Variants in GPR158 observed in about 807,000 individuals in gnomAD.
GPR158 encodes G protein-coupled receptor 158, also known as metabotropic glycine receptor.
GPR158 carries 30 observed loss-of-function variants against 78.2 expected under a neutral mutation model. The observed-to-expected ratio is 0.38, with a 90% confidence interval of 0.29 to 0.52. GPR158 has a LOEUF of 0.52. GPR158 is among the 20% of genes least tolerant of loss of function. The probability of loss-of-function intolerance (pLI) is 0.83; values close to 1 mark genes in which losing one functional copy is unlikely to be tolerated. For synonymous variants in GPR158, 581 were observed against 591.1 expected (o/e 0.98, Z 0.25); for missense variants, 1,463 against 1,523.5 (o/e 0.96, Z 0.66).
intron 2 of GPR158, among the ~76,000 whole-genome samples, chr10:25,320,121 C>T (rs1450200959): frequency 6.6e-6 from 1 of 152,202 alleles, no homozygotes; most frequent in Admixed American, 6.5e-5. Flanking sequence ...TGGTACAGCA[C>T]ATCTGCCTTT....
chr10:25,513,948 GT>G (rs1836124716), intron 5 of GPR158, among the ~76,000 whole-genome samples: 1 of 152,054 alleles, frequency 6.6e-6, no homozygotes, highest in African/African-American at 2.4e-5. Flanking sequence ...CATATGGTCT[GT>G]CTTGGAGAAT....
intron 8 of GPR158, among the ~76,000 whole-genome samples, chr10:25,590,359 A>C (rs1475488278): frequency 6.6e-6 from 1 of 152,140 alleles, no homozygotes; most frequent in African/African-American, 2.4e-5. Context: ...GAAAGACATT[A>C]GAAGAGGAAG....
chr10:25,565,142 T>A (rs542835965), intron 6 of GPR158, among the ~76,000 whole-genome samples: 1 of 152,306 alleles, frequency 6.6e-6, no homozygotes, highest in South Asian at 2.1e-4. Context: ...ACCATAAAAC[T>A]TTTTCTTGTT....
chr10:25,516,429 A>G (rs1836175263), intron 5 of GPR158, among the ~76,000 whole-genome samples: 1 of 151,752 alleles, frequency 6.6e-6, no homozygotes, highest in Admixed American at 6.6e-5. Context: ...GGTGTTTTGG[A>G]CGTGAAGTCC....
chr10:25,400,216 A>G (rs1043951834), intron 3 of GPR158, among the ~76,000 whole-genome samples: 1 of 152,202 alleles, frequency 6.6e-6, no homozygotes, highest in Non-Finnish European at 1.5e-5. Context: ...GTTGCCTAAT[A>G]GGGAGAAACA....
intron 4 of GPR158, among the ~76,000 whole-genome samples, chr10:25,445,555 G>A (rs904999982): frequency 6.6e-6 from 1 of 152,166 alleles, no homozygotes; most frequent in African/African-American, 2.4e-5. Context: ...GAATGTGGAA[G>A]GTAGCCTAGA....
chr10:25,178,378 C>T (rs1467534621), intron 1 of GPR158, among the ~76,000 whole-genome samples: 1 of 152,056 alleles, frequency 6.6e-6, no homozygotes, highest in Non-Finnish European at 1.5e-5. Flanking sequence ...TTTTCAAGGG[C>T]CGCTGTGGAA....
chr10:25,288,274 C>T (rs550850265), intron 2 of GPR158, among the ~76,000 whole-genome samples: 4 of 152,234 alleles, frequency 2.6e-5, no homozygotes, highest in African/African-American at 9.6e-5. Flanking sequence ...TTATCACTTC[C>T]CAAATAAAAG....
In GPR158 at chr10:25,175,993, C is replaced by T; in HGVS notation, c.573C>T (p.Phe191=). 1 of 1,613,254 alleles carries T rather than the reference C, an allele frequency of 6.2e-7. No homozygotes were observed. Among genetic ancestry groups the T allele is most frequent in the South Asian group, 1.1e-5 (1 of 91,052 alleles). ...DSLSAPAPQV[F]LQATREESRI... ...TGTCCGCACCGGCCCCACAGGTCTT[C>T]CTCCAGGCCACGCGCGAGGAGAGCC... The change falls in exon 1 of 11, where the codon TTC becomes TTT. Residue 191 remains phenylalanine (F), a synonymous_variant. Coordinates refer to ENST00000376351, the MANE Select transcript of GPR158 (RefSeq NM_020752.3). This position sits in a 1 kb window ranked among gnomAD's most constrained non-coding sequence, Gnocchi z 6.4.
At chr10:25,422,346 T>C (rs1834762437) in intron 4 of GPR158, among the ~76,000 whole-genome samples, 2 of 152,174 alleles carry the variant, frequency 1.3e-5, no homozygotes, top group African/African-American at 4.8e-5. Context: ...TTAGCCTTGG[T>C]ATTAGATTCT....
intron 4 of GPR158, among the ~76,000 whole-genome samples, chr10:25,431,628 G>A: frequency 6.9e-6 from 1 of 144,118 alleles, no homozygotes; most frequent in East Asian, 2.0e-4. Flanking sequence ...AATAATGATA[G>A]ACTGGATTAA....
chr10:25,557,978 G>C lies in GPR158; in HGVS notation c.1514+6893G>C, dbSNP rs113870988. Among the ~76,000 whole-genome samples, 883 of 152,298 alleles carry C rather than the reference G, an allele frequency of 5.8e-3. 7 individuals are homozygous for C. Among genetic ancestry groups the C allele is most frequent in the African/African-American group, 0.019 (800 of 41,580 alleles). On this transcript the variant is annotated intron_variant, in intron 6 of 10. Coordinates refer to ENST00000376351, the MANE Select transcript of GPR158 (RefSeq NM_020752.3). ...AGATGTCCTACTTGCTTTGTTGTAT[G>C]ACACATGACTTTGAAATACACTTTA...
At chr10:25,396,038 T>C in intron 3 of GPR158, 25 bp downstream of exon 3, 1 of 960,892 alleles carries the variant, frequency 1.0e-6, no homozygotes, top group Non-Finnish European at 1.7e-6. Flanking sequence ...TTTCTATGTA[T>C]ATATATGTAT....
Position 25,446,990 on chromosome 10 carries a change from G to A in GPR158, c.1336-19661G>A, listed in dbSNP as rs376368109. 9.7e-4 allele frequency among the ~76,000 whole-genome samples: 147 copies of A among 152,178 alleles called. 3 individuals are homozygous for A. In the South Asian group the frequency reaches 0.027, roughly 28 times the overall value. Reference sequence around the variant, plus strand: ...TTATGGTTCCCTTTCAGATAAAGGCGTTATCTGAGGCCAGGAAAAAGTGAC... The same window carrying A: ...TTATGGTTCCCTTTCAGATAAAGGCATTATCTGAGGCCAGGAAAAAGTGAC... On this transcript the variant is annotated intron_variant, in intron 4 of 10. Transcript: ENST00000376351.
At chr10:25,371,714 A>G (rs982916627) in intron 2 of GPR158, among the ~76,000 whole-genome samples, 3 of 135,854 alleles carry the variant, frequency 2.2e-5, no homozygotes, top group African/African-American at 5.5e-5. Flanking sequence ...TTCAAGATGG[A>G]TTAAAGACTT....
At position 25,396,005 on chromosome 10, in the gene GPR158, A is replaced by G. The variant is rs1005726641; in HGVS notation, c.1103A>G (p.Asn368Ser). The change falls in exon 3 of 11, where the codon AAC becomes AGC. Residue 368 changes from asparagine (N) to serine (S), a missense_variant. Physicochemically the swap from Asn to Ser is conservative, Grantham distance 46. Transcript: ENST00000376351. Reference protein sequence around the residue: ...FYHPGVLPVNNFRRRGPDQHI... With the variant: ...FYHPGVLPVNSFRRRGPDQHI... ...CATCCTGGAGTCTTACCAGTGAACA[A>G]CTTTCGGAGTAAGTGCCCTTTGTTT... The G allele has an allele frequency of 3.3e-6, 5 of 1,537,056 alleles. No homozygotes were observed. Among genetic ancestry groups the G allele is most frequent in the African/African-American group, 1.4e-5 (1 of 73,416 alleles).
chr10:25,475,399 A>G (rs150603855), intron 5 of GPR158: 1 of 152,268 alleles, frequency 6.6e-6, no homozygotes, highest in East Asian at 1.9e-4. Flanking sequence ...ATGGCTCGAG[A>G]TAATAACTCT....
chr10:25,517,121 C>T (rs11527752), intron 5 of GPR158, among the ~76,000 whole-genome samples: 46,410 of 146,162 alleles, frequency 0.32, 8,394 homozygotes, highest in East Asian at 0.48. Flanking sequence ...GTATTTTATT[C>T]TCTTTGAAGC....
At chr10:25,267,483 T>C (rs1363186834) in intron 2 of GPR158, among the ~76,000 whole-genome samples, 1 of 152,152 alleles carries the variant, frequency 6.6e-6, no homozygotes, top group East Asian at 1.9e-4. Context: ...GTGGGAATTA[T>C]GGGAACTACA....
Sources: gnomAD v4.1 joint callset for allele counts (sites outside exome capture counted in the v4.1 genomes callset) on GRCh38, gnomAD v4.1.1 for gene constraint, Gnocchi (gnomAD v3.1) non-coding constraint, MANE v1.5 for transcripts, NCBI Gene and HGNC (gene_info 2026-07-23, HGNC 2026-07-21) for gene names.